Variants in MED1 observed in about 807,000 individuals in gnomAD.
MED1 encodes the protein mediator complex subunit 1, also known as mediator of RNA polymerase II transcription subunit 1.
MED1 carries 17 observed loss-of-function variants against 121.3 expected under a neutral mutation model. The ratio of observed to expected loss-of-function variants is 0.14; its 90% CI spans 0.10 to 0.21. The LOEUF (loss-of-function observed/expected upper bound fraction) is 0.21, where lower values mean the gene tolerates loss of function less well. MED1 is among the 10% of genes least tolerant of loss of function. The probability of loss-of-function intolerance (pLI) is 1.00; values close to 1 mark genes in which losing one functional copy is unlikely to be tolerated. For missense variants in MED1, 1,558 were observed against 1,919.4 expected, an observed-to-expected ratio of 0.81 and a Z score of 3.52; for synonymous variants, 661 against 694.4, an observed-to-expected ratio of 0.95 and a Z score of 0.76.
chr17:39,407,913 G>C lies in MED1; in HGVS notation c.4308C>G (p.Ile1436Met), dbSNP rs1367731315. 6.2e-7 allele frequency: 1 copy of C among 1,614,152 alleles called. No homozygotes were observed. The highest frequency in any genetic ancestry group is 1.7e-5 in the Admixed American group (1 of 60,020). ...ASSKNYGSPLISGSTPKHERG... is the reference protein window; with the variant it reads ...ASSKNYGSPLMSGSTPKHERG... ...GCTCATGCTTTGGAGTGGAACCACT[G>C]ATGAGTGGAGAGCCATAGTTTTTAG... Residue 1436 changes from isoleucine (I) to methionine (M), a missense_variant, in exon 17 of 17, where the codon ATC (isoleucine) becomes ATG (methionine). Around this residue, in one of 5 missense-constraint regions of MED1, gnomAD observed 264 missense variants for 326.1 expected, o/e 0.81. Transcript: ENST00000300651.
chr17:39,447,760 T>C (rs749970094), intron 2 of MED1, 38 bp downstream of exon 2: 1 of 1,444,180 alleles, frequency 6.9e-7, no homozygotes, highest in Non-Finnish European at 9.7e-7. Context: ...AATAATTATC[T>C]AAGCAAAACA....
Position 39,440,585 on chromosome 17 carries a change from C to T in MED1, c.266+38G>A, listed in dbSNP as rs761826717. 8 of 1,611,886 alleles carry T rather than the reference C, an allele frequency of 5.0e-6. No individual in the cohort carries two copies. The highest frequency in any genetic ancestry group is 4.0e-5 in the African/African-American group (3 of 74,798). On this transcript the variant is annotated intron_variant, in intron 4 of 16. Coordinates refer to ENST00000300651, the MANE Select transcript of MED1 (RefSeq NM_004774.4). The surrounding 1 kb of genome is among the most constrained non-coding windows in gnomAD (Gnocchi z 4.1). ...TAAATAAAGCCACCCAAAGTTAACA[C>T]TAAGTTAAACATTTCTGCCTACAGA...
Position 39,405,181 on chromosome 17 carries a change from G to T in MED1, c.*2294C>A, listed in dbSNP as rs1020701891. 3.9e-6 allele frequency: 6 copies of T among 1,527,084 alleles called. No individual in the cohort carries two copies. The highest frequency in any genetic ancestry group is 5.3e-6 in the Non-Finnish European group (6 of 1,132,566). 94.6% of individuals were successfully genotyped at this position (1,527,084 alleles called of 1,614,324 possible). ...AAATGCAGTGCTCCCTGGTTCTCAGGCAGGGTGAAGCAGTTTAGCCCCGGC... is the reference window on the plus strand; with the variant it reads ...AAATGCAGTGCTCCCTGGTTCTCAGTCAGGGTGAAGCAGTTTAGCCCCGGC... On this transcript the variant is annotated 3_prime_UTR_variant, in exon 17 of 17. Coordinates refer to ENST00000300651, the MANE Select transcript of MED1 (RefSeq NM_004774.4).
At chr17:39,433,077 C>T (rs2144754459) in intron 7 of MED1, among the ~76,000 whole-genome samples, 1 of 152,146 alleles carries the variant, frequency 6.6e-6, no homozygotes, top group Non-Finnish European at 1.5e-5. Flanking sequence ...GTGGTGGGCG[C>T]CTTTAATCCC....
chr17:39,438,572 T>C (rs2048642669), intron 6 of MED1, among the ~76,000 whole-genome samples: 1 of 151,758 alleles, frequency 6.6e-6, no homozygotes, highest in Non-Finnish European at 1.5e-5. Context: ...AGGATGGTCT[T>C]GATCTCCTGA....
At chr17:39,416,182 G>C (rs946327037) in intron 14 of MED1, among the ~76,000 whole-genome samples, 3 of 152,106 alleles carry the variant, frequency 2.0e-5, no homozygotes, top group Admixed American at 2.0e-4. Context: ...CAGAACAAAA[G>C]TAGCTAGACT....
At position 39,408,182 on chromosome 17, in the gene MED1, A is replaced by C; in HGVS notation, c.4039T>G (p.Ser1347Ala). 1 of 1,613,972 alleles carries C rather than the reference A, an allele frequency of 6.2e-7. No individual in the cohort carries two copies. Among genetic ancestry groups the C allele is most frequent in the Non-Finnish European group, 8.5e-7 (1 of 1,180,018 alleles). Reference protein sequence around the residue: ...SHPMSSKHNMSGGEFQGKREK... With the variant: ...SHPMSSKHNMAGGEFQGKREK... ...CGCTTGCCCTGAAACTCTCCTCCTG[A>C]CATGTTATGTTTGGAGGACATAGGA... Residue 1347 changes from serine to alanine, a missense_variant, in exon 17 of 17, where the codon TCA (serine) becomes GCA (alanine). By Grantham distance (99) the Ser-to-Ala change is moderately conservative (BLOSUM62 1). Coordinates refer to ENST00000300651, the MANE Select transcript of MED1 (RefSeq NM_004774.4). The surrounding 1 kb of genome is among the most constrained non-coding windows in gnomAD (Gnocchi z 4.7).
At chr17:39,428,272 C>G (rs2048533574) in intron 9 of MED1, among the ~76,000 whole-genome samples, 1 of 152,104 alleles carries the variant, frequency 6.6e-6, no homozygotes, top group Non-Finnish European at 1.5e-5. Flanking sequence ...ATCACAAGGT[C>G]AGGATATTGA....
In MED1 at chr17:39,409,154, A is replaced by C; in HGVS notation, c.3067T>G (p.Ser1023Ala). 6.2e-7 allele frequency: 1 copy of C among 1,614,106 alleles called. No individual in the cohort carries two copies. Among genetic ancestry groups the C allele is most frequent in the Non-Finnish European group, 8.5e-7 (1 of 1,180,018 alleles). Residue 1023 changes from serine (S) to alanine (A), a missense_variant, in exon 17 of 17, where the codon TCT becomes GCT. Physicochemically the swap from Ser to Ala is moderately conservative, Grantham distance 99 (BLOSUM62 1). This residue lies in a region of MED1 where 793 missense variants were observed against 898.2 expected (regional missense o/e 0.88). Transcript: ENST00000300651. Reference sequence around the variant, plus strand: ...AAAGGTCTGTTAGAAGAACTATGAGATGGAGACTTTCCCTCAGTGTCTGCC... The same window carrying C: ...AAAGGTCTGTTAGAAGAACTATGAGCTGGAGACTTTCCCTCAGTGTCTGCC... The part of the protein sequence containing the change: ...KKADTEGKSP[S>A]HSSSNRPFTP...
chr17:39,419,934 A>G lies in MED1; in HGVS notation c.1096-16T>C, dbSNP rs987596693. 2.5e-6 allele frequency: 4 copies of G among 1,608,658 alleles called. No homozygotes were observed. Among genetic ancestry groups the G allele is most frequent in the Non-Finnish European group, 3.4e-6 (4 of 1,175,314 alleles). On this transcript the variant is annotated splice_polypyrimidine_tract_variant and intron_variant, in intron 13 of 16. Transcript: ENST00000300651. ...CAGGAAGAGCCTGGGCAAAAAGAACAGTTAACGAGTGCTATTTAGTTACCT... is the reference window on the plus strand; with the variant it reads ...CAGGAAGAGCCTGGGCAAAAAGAACGGTTAACGAGTGCTATTTAGTTACCT...
In MED1 at chr17:39,409,651, T is replaced by G; in HGVS notation, c.2570A>C (p.His857Pro). ...GAAATCTACTCCATCATGAAAAAAATGATTGGTAGGAGAGTCACTACTGGG... is the reference window on the plus strand; with the variant it reads ...GAAATCTACTCCATCATGAAAAAAAGGATTGGTAGGAGAGTCACTACTGGG... ...GSPSSDSPTN[H>P]FFHDGVDFNP... Residue 857 changes from histidine (H) to proline (P), a missense_variant, in exon 17 of 17, where the codon CAT becomes CCT. This residue lies in a region of MED1 where 793 missense variants were observed against 898.2 expected (regional missense o/e 0.88). Coordinates refer to ENST00000300651, the MANE Select transcript of MED1 (RefSeq NM_004774.4). 1 of 1,613,942 alleles carries G rather than the reference T, an allele frequency of 6.2e-7. No homozygotes were observed. Among genetic ancestry groups the G allele is most frequent in the Non-Finnish European group, 8.5e-7 (1 of 1,180,000 alleles).
intron 9 of MED1, among the ~76,000 whole-genome samples, chr17:39,429,214 T>C (rs1407062401): frequency 6.6e-6 from 1 of 151,888 alleles, no homozygotes; most frequent in Non-Finnish European, 1.5e-5. Flanking sequence ...TACCCAGGCA[T>C]GGTGGCACTT....
rs1352312691 is a variant in MED1 at position 39,409,222 on chromosome 17, G to T, written c.2999C>A (p.Ser1000Tyr). Residue 1000 changes from serine to tyrosine, a missense_variant, in exon 17 of 17, where the codon TCT becomes TAT. Physicochemically the swap from Ser to Tyr is moderately radical, Grantham distance 144 (BLOSUM62 -2). Around this residue, in one of 5 missense-constraint regions of MED1, gnomAD observed 793 missense variants for 898.2 expected, o/e 0.88. Coordinates refer to ENST00000300651, the MANE Select transcript of MED1 (RefSeq NM_004774.4). ...CTTATCTTTGCTTTTCCCATCATTA[G>T]AAGGGGTCCGACTGCGCTTCCCTGG... ...SKPGKRSRTP[S>Y]NDGKSKDKPP... 6.2e-7 allele frequency: 1 copy of T among 1,613,970 alleles called. No homozygotes were observed. The highest frequency in any genetic ancestry group is 8.5e-7 in the Non-Finnish European group (1 of 1,180,022).
chr17:39,416,508 A>G (rs993122820), intron 14 of MED1, among the ~76,000 whole-genome samples: 4 of 152,200 alleles, frequency 2.6e-5, no homozygotes, highest in Non-Finnish European at 5.9e-5. Flanking sequence ...ATGCCTCTCT[A>G]TAGGATTAGC....
intron 9 of MED1, among the ~76,000 whole-genome samples, chr17:39,428,960 A>T (rs893779646): frequency 8.5e-5 from 13 of 152,108 alleles, no homozygotes; most frequent in African/African-American, 3.1e-4. Flanking sequence ...TCAAAAAAAA[A>T]AGACATATGA....
chr17:39,407,506 T>G lies in MED1; in HGVS notation c.4715A>C (p.Asp1572Ala). ...PDFMIGEEDD[D>A]LMDVALIGN Reference sequence around the variant, plus strand: ...CCCAATCAGGGCCACATCCATAAGATCATCATCTTCCTCCCCAATCATAAA... The same window carrying G: ...CCCAATCAGGGCCACATCCATAAGAGCATCATCTTCCTCCCCAATCATAAA... The change falls in exon 17 of 17, where the codon GAT becomes GCT. Residue 1572 changes from aspartate (D) to alanine (A), a missense_variant. By Grantham distance (126) the Asp-to-Ala change is moderately radical. Transcript: ENST00000300651. The G allele has an allele frequency of 6.2e-7, 1 of 1,612,280 alleles. No homozygotes were observed. Among genetic ancestry groups the G allele is most frequent in the South Asian group, 1.1e-5 (1 of 90,798 alleles).
chr17:39,451,075 G>C lies in MED1; in HGVS notation c.-13C>G. 1 of 1,610,574 alleles carries C rather than the reference G, an allele frequency of 6.2e-7. No homozygotes were observed. The highest frequency in any genetic ancestry group is 1.3e-5 in the African/African-American group (1 of 74,838). On this transcript the variant is annotated 5_prime_UTR_variant, in exon 1 of 17. Coordinates refer to ENST00000300651, the MANE Select transcript of MED1 (RefSeq NM_004774.4). ...CCTGAGCTTTCATCCTGAAGGCGAG[G>C]AGAAGCTAGATCCGCCACAAAAGGA...
At chr17:39,429,702 TAAAAAAAAAAAAAA>T (rs757034804) in intron 9 of MED1, among the ~76,000 whole-genome samples, 1 of 48,966 alleles carries the variant, frequency 2.0e-5, no homozygotes. Context: ...CCTAAATGCC[TAAAAAAAAAAAAAA>T]AAAAAAAAAA....
chr17:39,444,267 G>C (rs2048705526), intron 2 of MED1, among the ~76,000 whole-genome samples: 1 of 152,116 alleles, frequency 6.6e-6, no homozygotes, highest in Admixed American at 6.6e-5. Flanking sequence ...CCAGCACTTT[G>C]GGAGGTCAAG....
Sources: allele counts gnomAD v4.1 joint callset (sites outside exome capture counted in the v4.1 genomes callset), GRCh38; gene constraint gnomAD v4.1.1; regional missense constraint gnomAD v4.1.1; non-coding constraint Gnocchi (gnomAD v3.1); transcripts MANE v1.5; gene names NCBI Gene and HGNC (gene_info 2026-07-23, HGNC 2026-07-21).